Variants in CCDC83 observed in about 807,000 individuals in gnomAD.
CCDC83 encodes the protein coiled-coil domain containing 83.
A neutral mutation model predicts 50.1 loss-of-function variants in CCDC83; 54 were observed. The observed-to-expected ratio is 1.08, with a 90% CI of 0.87 to 1.35. The LOEUF (loss-of-function observed/expected upper bound fraction) is 1.35, where lower values mean the gene tolerates loss of function less well. Ranked by LOEUF, CCDC83 falls within the 40% of genes most tolerant of loss-of-function variation. The pLI is 0.00. For synonymous variants in CCDC83, 161 were observed against 153.3 expected, an observed-to-expected ratio of 1.05 and a Z score of -0.37; for missense variants, 518 against 473.9, an observed-to-expected ratio of 1.09 and a Z score of -0.86.
chr11:85,882,122 C>T (rs1032819533), intron 3 of CCDC83, among the ~76,000 whole-genome samples: 1 of 149,084 alleles, frequency 6.7e-6, no homozygotes, highest in South Asian at 2.1e-4. Flanking sequence ...AAGACCTCAT[C>T]TCTAAAAAAA....
intron 4 of CCDC83, among the ~76,000 whole-genome samples, chr11:85,885,310 T>C (rs745491273): frequency 6.6e-6 from 1 of 152,186 alleles, no homozygotes; most frequent in East Asian, 1.9e-4. Context: ...CCTGGCCTGA[T>C]TGAAATGCTT....
intron 7 of CCDC83, among the ~76,000 whole-genome samples, chr11:85,901,641 C>CAAA (rs61687599): frequency 2.3e-4 from 28 of 122,240 alleles, no homozygotes; most frequent in African/African-American, 8.3e-4. Flanking sequence ...GACCACAATA[C>CAAA]AAAAAAAAAA....
At chr11:85,888,934 TA>T (rs1447537210) in intron 5 of CCDC83, among the ~76,000 whole-genome samples, 1 of 152,244 alleles carries the variant, frequency 6.6e-6, no homozygotes, top group Non-Finnish European at 1.5e-5. Flanking sequence ...GAATACTTTT[TA>T]AAAAGTTATT....
chr11:85,907,785 G>T (rs2093432320), intron 7 of CCDC83, among the ~76,000 whole-genome samples: 1 of 152,138 alleles, frequency 6.6e-6, no homozygotes, highest in African/African-American at 2.4e-5. Context: ...GATGTCATAG[G>T]AGAGCCTTAG....
chr11:85,895,698 G>A (rs578207534), intron 6 of CCDC83, among the ~76,000 whole-genome samples: 7 of 152,104 alleles, frequency 4.6e-5, no homozygotes, highest in Non-Finnish European at 1.0e-4. Flanking sequence ...CTGGGCTTCT[G>A]TTTCCTAACC....
chr11:85,907,378 G>A lies in CCDC83; in HGVS notation c.673-3903G>A, dbSNP rs2093430473. 2.6e-5 allele frequency among the ~76,000 whole-genome samples: 4 copies of A among 152,172 alleles called. No homozygotes were observed. In the South Asian group the frequency reaches 8.3e-4, roughly 32 times the overall value. ...GAAACTGGAATTTCCAAATGATTGA[G>A]ATTAACAAATGGAAAGCTGGAGAAA... On this transcript the variant is annotated intron_variant, in intron 7 of 10. Coordinates refer to ENST00000342404, the MANE Select transcript of CCDC83 (RefSeq NM_001286159.2).
intron 1 of CCDC83, among the ~76,000 whole-genome samples, chr11:85,857,184 G>A (rs557934479): frequency 2.2e-4 from 33 of 152,334 alleles, no homozygotes; most frequent in African/African-American, 6.7e-4. Context: ...CGGGCCTGAC[G>A]TGCATGTGGG....
At chr11:85,871,795 C>G (rs2093239144) in intron 2 of CCDC83, among the ~76,000 whole-genome samples, 1 of 152,094 alleles carries the variant, frequency 6.6e-6, no homozygotes, top group Non-Finnish European at 1.5e-5. Flanking sequence ...CACTCTACTA[C>G]AGAGGTACTA....
At chr11:85,893,021 C>T (rs1165244658) in intron 5 of CCDC83, among the ~76,000 whole-genome samples, 1 of 152,138 alleles carries the variant, frequency 6.6e-6, no homozygotes, top group African/African-American at 2.4e-5. Context: ...TCCTGACCAC[C>T]TTTTCTGGCC....
intron 9 of CCDC83, among the ~76,000 whole-genome samples, chr11:85,915,782 A>G (rs531320509): frequency 6.6e-6 from 1 of 152,340 alleles, no homozygotes; most frequent in South Asian, 2.1e-4. Context: ...TTAGGGCCCT[A>G]TTTAGCCAAC....
intron 4 of CCDC83, among the ~76,000 whole-genome samples, chr11:85,883,110 G>A (rs1396807693): frequency 2.6e-5 from 4 of 151,866 alleles, no homozygotes; most frequent in Admixed American, 2.0e-4. Context: ...TAGAGATGAG[G>A]TCTTGCTATG....
chr11:85,882,136 A>AATAATAAT lies in CCDC83; in HGVS notation c.181-376_181-375insTAATAATA, dbSNP rs1565141434. Among the ~76,000 whole-genome samples, 8 of 129,702 alleles carry AATAATAAT rather than the reference A, an allele frequency of 6.2e-5. No homozygotes were observed. The South Asian group carries it at 6.6e-4, about 11-fold the overall frequency. The allele number at this position is 129,702 out of a possible 152,430, so 85.1% of individuals were successfully genotyped here. On this transcript the variant is annotated intron_variant, in intron 3 of 10. Coordinates refer to ENST00000342404, the MANE Select transcript of CCDC83 (RefSeq NM_001286159.2). ...CAAGACCTCATCTCTAAAAAAACAA[A>AATAATAAT]AATAATAATAATAATAATAATTCTA...
intron 10 of CCDC83, among the ~76,000 whole-genome samples, chr11:85,917,067 T>C (rs914239698): frequency 6.7e-6 from 1 of 149,436 alleles, no homozygotes. Flanking sequence ...GCAGAGACTG[T>C]ATCATTGCAC....
At chr11:85,878,756 A>G (rs545795214) in intron 3 of CCDC83, among the ~76,000 whole-genome samples, 32 of 152,292 alleles carry the variant, frequency 2.1e-4, no homozygotes, top group African/African-American at 7.7e-4. Context: ...AACTTGAACT[A>G]CTTTCCAAAC....
intron 2 of CCDC83, among the ~76,000 whole-genome samples, chr11:85,870,633 C>T (rs1274948545): frequency 6.6e-6 from 1 of 151,730 alleles, no homozygotes; most frequent in Non-Finnish European, 1.5e-5. Flanking sequence ...ATTCCTTGAG[C>T]CCAGGAGTTC....
intron 5 of CCDC83, among the ~76,000 whole-genome samples, chr11:85,886,903 C>T (rs1417900273): frequency 6.6e-6 from 1 of 151,914 alleles, no homozygotes; most frequent in Admixed American, 6.6e-5. Flanking sequence ...CAGAGCAGAC[C>T]TTGTCTCAAA....
Position 85,919,577 on chromosome 11 carries a change from G to A in CCDC83, c.*67G>A, listed in dbSNP as rs936216871. ...GTTCTTTGGGAACTGAAGTATATCC[G>A]TTGCCCATTTTACTTACACTTTGGC... On this transcript the variant is annotated 3_prime_UTR_variant, in exon 11 of 11. Coordinates refer to ENST00000342404, the MANE Select transcript of CCDC83 (RefSeq NM_001286159.2). The A allele has an allele frequency of 5.0e-6, 6 of 1,192,598 alleles. No individual in the cohort carries two copies. Among genetic ancestry groups the A allele is most frequent in the South Asian group, 4.2e-5 (3 of 71,518 alleles). The allele number at this position is 1,192,598 out of a possible 1,614,324, so 73.9% of individuals were successfully genotyped here.
chr11:85,868,920 G>A (rs1212380448), intron 2 of CCDC83, among the ~76,000 whole-genome samples: 1 of 152,176 alleles, frequency 6.6e-6, no homozygotes, highest in African/African-American at 2.4e-5. Flanking sequence ...TGAGCTCCTT[G>A]AAGACTATTC....
intron 2 of CCDC83, among the ~76,000 whole-genome samples, chr11:85,865,686 G>A (rs1375212614): frequency 3.3e-5 from 5 of 152,088 alleles, no homozygotes; most frequent in Admixed American, 6.5e-5. Context: ...TTGGGAGTTC[G>A]AGACCAGCCT....
Sources: gnomAD v4.1 joint callset for allele counts (sites outside exome capture counted in the v4.1 genomes callset) on GRCh38, gnomAD v4.1.1 for gene constraint, MANE v1.5 for transcripts, NCBI Gene and HGNC (gene_info 2026-07-23, HGNC 2026-07-21) for gene names.